The following POLR1E variants were observed in gnomAD, a reference collection of about 807,000 sequenced individuals.
The protein encoded by POLR1E is RNA polymerase I subunit E.
A neutral mutation model predicts 50.9 loss-of-function variants in POLR1E; 37 were observed. The ratio of observed to expected loss-of-function variants is 0.73; its 90% confidence interval spans 0.56 to 0.96. The LOEUF is 0.96. Ranked by LOEUF, POLR1E falls within the 40% of genes least tolerant of loss-of-function variation. The probability of loss-of-function intolerance (pLI) is 0.00; values close to 1 mark genes in which losing one functional copy is unlikely to be tolerated. For synonymous variants in POLR1E, 166 were observed against 191.6 expected, an observed-to-expected ratio of 0.87 and a Z score of 1.10; for missense variants, 426 against 518.1, an observed-to-expected ratio of 0.82 and a Z score of 1.73.
intron 1 of POLR1E, chr9:37,486,459 G>T: frequency 6.5e-7 from 1 of 1,550,344 alleles, no homozygotes; most frequent in Non-Finnish European, 8.7e-7. Context: ...GGCCTCTGCT[G>T]TCAGCCTCCT....
At chr9:37,487,716 T>C in intron 2 of POLR1E, 147 bp from the exon 3 acceptor site, 1 of 743,058 alleles carries the variant, frequency 1.3e-6, no homozygotes, top group Non-Finnish European at 2.3e-6. Context: ...TTAGAGATAG[T>C]GGGGCTGGAT....
chr9:37,489,509 T>C, intron 4 of POLR1E, 109 bp downstream of exon 4: 1 of 729,760 alleles, frequency 1.4e-6, no homozygotes, highest in Non-Finnish European at 2.1e-6. Context: ...TATTTTAATT[T>C]ATTTATTCTG....
chr9:37,501,424 C>T (rs1281012052), intron 10 of POLR1E, among the ~76,000 whole-genome samples: 1 of 152,224 alleles, frequency 6.6e-6, no homozygotes, highest in African/African-American at 2.4e-5. Flanking sequence ...CAGGCGGGGA[C>T]AGACTCACAG....
At chr9:37,489,976 C>T (rs1820650793) in intron 4 of POLR1E, among the ~76,000 whole-genome samples, 2 of 152,064 alleles carry the variant, frequency 1.3e-5, no homozygotes, top group Non-Finnish European at 2.9e-5. Flanking sequence ...AGATCCTGTC[C>T]CCATAGTGTT....
chr9:37,493,103 C>G (rs1444387159), intron 5 of POLR1E, among the ~76,000 whole-genome samples: 2 of 152,226 alleles, frequency 1.3e-5, no homozygotes, highest in Non-Finnish European at 2.9e-5. Context: ...CAAAGGTCAT[C>G]TCACCCCAAG....
intron 4 of POLR1E, chr9:37,490,285 A>T: frequency 2.5e-6 from 1 of 407,566 alleles, no homozygotes; most frequent in Non-Finnish European, 4.4e-6. Context: ...TTTGAAGAGT[A>T]AAGACATTAC....
At chr9:37,491,267 G>A (rs904523058) in intron 4 of POLR1E, among the ~76,000 whole-genome samples, 3 of 152,106 alleles carry the variant, frequency 2.0e-5, no homozygotes, top group African/African-American at 7.2e-5. Flanking sequence ...AGGATAGGGC[G>A]ATAGACAAGA....
At position 37,486,131 on chromosome 9, in the gene POLR1E, C is replaced by T; in HGVS notation, c.76+8C>T. ...GCCAGAGAGCTGTACTGGGTAAAGACTGCGGAGCTGGAGCAGTGCTCCTCT... is the reference window on the plus strand; with the variant it reads ...GCCAGAGAGCTGTACTGGGTAAAGATTGCGGAGCTGGAGCAGTGCTCCTCT... On this transcript the variant is annotated splice_region_variant and intron_variant, in intron 1 of 11. Transcript: ENST00000377798. 6.3e-7 allele frequency: 1 copy of T among 1,590,202 alleles called. No homozygotes were observed. Among genetic ancestry groups the T allele is most frequent in the Non-Finnish European group, 8.5e-7 (1 of 1,169,810 alleles).
At chr9:37,490,478 T>A in intron 4 of POLR1E, 1 of 884,282 alleles carries the variant, frequency 1.1e-6, no homozygotes, top group Non-Finnish European at 1.9e-6. Context: ...TCCCATTGGT[T>A]CTCACCAAGT....
chr9:37,501,870 C>T (rs934579495), intron 11 of POLR1E, 26 bp downstream of exon 11: 1 of 1,601,466 alleles, frequency 6.2e-7, no homozygotes, highest in East Asian at 2.2e-5. Context: ...TAAAGAGCTC[C>T]CTGCAGGGTG....
At chr9:37,488,537 A>G (rs1820618921) in intron 3 of POLR1E, among the ~76,000 whole-genome samples, 1 of 136,748 alleles carries the variant, frequency 7.3e-6, no homozygotes. Context: ...CCATACTCCA[A>G]TAGAGGAGAG....
intron 2 of POLR1E, among the ~76,000 whole-genome samples, chr9:37,487,565 G>A (rs186439999): frequency 1.5e-3 from 226 of 152,268 alleles, no homozygotes; most frequent in Non-Finnish European, 2.6e-3. Context: ...ACCTTTAAGT[G>A]CCAGAAGCCC....
Position 37,499,297 on chromosome 9 carries a change from C to T in POLR1E, c.886+1073C>T, listed in dbSNP as rs139174730. Among the ~76,000 whole-genome samples, 6 of 152,036 alleles carry T rather than the reference C, an allele frequency of 3.9e-5. No homozygotes were observed. In the South Asian group the frequency reaches 6.3e-4, roughly 16 times the overall value. ...TAAAAACATTAGCTGGGGTGGTGCA[C>T]GCCTGTATTCCCAGCTATTTGGGAG... On this transcript the variant is annotated intron_variant, in intron 9 of 11. Transcript: ENST00000377798.
At chr9:37,496,106 A>G (rs886210694) in intron 8 of POLR1E, 120 bp downstream of exon 8, 89 of 690,746 alleles carry the variant, frequency 1.3e-4, no homozygotes, top group Non-Finnish European at 2.0e-4. Context: ...AGCATTGGAC[A>G]TGAATGAGCC....
chr9:37,498,352 T>C, intron 9 of POLR1E, 128 bp downstream of exon 9: 1 of 1,030,510 alleles, frequency 9.7e-7, no homozygotes, highest in Non-Finnish European at 1.4e-6. Flanking sequence ...AACTGTGAGA[T>C]TCATTCTGGT....
chr9:37,488,816 C>A (rs1250718232), intron 3 of POLR1E, among the ~76,000 whole-genome samples: 1 of 151,688 alleles, frequency 6.6e-6, no homozygotes, highest in South Asian at 2.1e-4. Context: ...CCCATCCCAT[C>A]CTATCCTTTC....
intron 4 of POLR1E, chr9:37,490,609 A>G: frequency 1.4e-6 from 1 of 724,166 alleles, no homozygotes; most frequent in Non-Finnish European, 2.5e-6. Context: ...CGGCTCTTAG[A>G]GTGCTTAATG....
intron 9 of POLR1E, among the ~76,000 whole-genome samples, chr9:37,499,983 T>C (rs1737463057): frequency 6.6e-6 from 1 of 151,274 alleles, no homozygotes; most frequent in African/African-American, 2.4e-5. Flanking sequence ...CCTGAGTAGC[T>C]GGGATTATAG....
chr9:37,488,008 G>A, intron 3 of POLR1E, 69 bp downstream of exon 3: 1 of 1,495,482 alleles, frequency 6.7e-7, no homozygotes, highest in African/African-American at 1.4e-5. Flanking sequence ...TGGCACTGCT[G>A]TTTCCTGTCT....
Sources: gnomAD v4.1 joint callset for allele counts (sites outside exome capture counted in the v4.1 genomes callset) on GRCh38, gnomAD v4.1.1 for gene constraint, MANE v1.5 for transcripts, NCBI Gene and HGNC (gene_info 2026-07-23, HGNC 2026-07-21) for gene names.